Variants in TUSC3 observed in about 807,000 individuals in gnomAD.
TUSC3 encodes the protein tumor suppressor candidate 3.
Under a neutral mutation model 44.8 loss-of-function variants are expected in TUSC3, and 45 were observed. The observed-to-expected ratio is 1.00, with a 90% CI of 0.79 to 1.29. The LOEUF is 1.29. Ranked by LOEUF, TUSC3 falls within the 50% of genes most tolerant of loss-of-function variation. TUSC3 has a pLI of 0.00. For synonymous variants in TUSC3, 212 were observed against 152.9 expected, an observed-to-expected ratio of 1.39 and a Z score of -2.85; for missense variants, 519 against 437.9, an observed-to-expected ratio of 1.19 and a Z score of -1.65.
chr8:15,574,928 T>C (rs1352567004), intron 1 of TUSC3, among the ~76,000 whole-genome samples: 1 of 152,144 alleles, frequency 6.6e-6, no homozygotes, highest in African/African-American at 2.4e-5. Flanking sequence ...TGAAACTAAC[T>C]ATTCTAGTGT....
chr8:15,832,869 A>G, the TUSC3 span, among the ~76,000 whole-genome samples: 21 of 152,278 alleles, frequency 1.4e-4, no homozygotes, highest in South Asian at 4.1e-3. Context: ...TATTAGATAG[A>G]TCATCAAACC....
At chr8:15,640,494 C>G (rs1806315539) in intron 2 of TUSC3, among the ~76,000 whole-genome samples, 1 of 152,198 alleles carries the variant, frequency 6.6e-6, no homozygotes, top group Non-Finnish European at 1.5e-5. Flanking sequence ...TTTAATAATT[C>G]TGAAATGTTT....
At chr8:15,740,634 T>A (rs1205244787) in intron 7 of TUSC3, among the ~76,000 whole-genome samples, 1 of 152,156 alleles carries the variant, frequency 6.6e-6, no homozygotes. Flanking sequence ...TCCTTATCAG[T>A]TTGATAAAAT....
At chr8:15,669,096 C>T (rs1333190083) in intron 5 of TUSC3, among the ~76,000 whole-genome samples, 1 of 151,720 alleles carries the variant, frequency 6.6e-6, no homozygotes, top group African/African-American at 2.4e-5. Flanking sequence ...GGGCCATATC[C>T]AGCCATGGCT....
intron 1 of TUSC3, among the ~76,000 whole-genome samples, chr8:15,611,289 C>T (rs1211981326): frequency 3.3e-5 from 5 of 152,068 alleles, no homozygotes; most frequent in Non-Finnish European, 2.9e-5. Flanking sequence ...CAGGTTGAAA[C>T]GATTCTCCTG....
the TUSC3 span, among the ~76,000 whole-genome samples, chr8:15,847,058 T>G: frequency 1.3e-5 from 2 of 152,078 alleles, no homozygotes; most frequent in Admixed American, 1.3e-4. Flanking sequence ...CAGCACAGAA[T>G]AGGGCCATGA....
intron 1 of TUSC3, among the ~76,000 whole-genome samples, chr8:15,452,612 A>G (rs186523748): frequency 5.3e-5 from 8 of 152,230 alleles, no homozygotes; most frequent in East Asian, 1.9e-4. Context: ...GCTATAAGGC[A>G]GACTTACGTC....
intron 1 of TUSC3, among the ~76,000 whole-genome samples, chr8:15,605,617 A>T (rs1320715948): frequency 6.6e-6 from 1 of 152,092 alleles, no homozygotes; most frequent in South Asian, 2.1e-4. Flanking sequence ...ACCAAAAAAA[A>T]TGGAGAAAAA....
the TUSC3 span, among the ~76,000 whole-genome samples, chr8:15,819,879 C>G: frequency 6.6e-6 from 1 of 152,168 alleles, no homozygotes; most frequent in Non-Finnish European, 1.5e-5. Context: ...CCCTTCTTGT[C>G]CTATTGTTTT....
chr8:15,718,042 G>A (rs1052473842), intron 6 of TUSC3, among the ~76,000 whole-genome samples: 2 of 151,992 alleles, frequency 1.3e-5, no homozygotes, highest in African/African-American at 4.8e-5. Context: ...ACTAGATATT[G>A]ATTGATTGAT....
chr8:15,496,440 C>T (rs1405498626), intron 2 of TUSC3, among the ~76,000 whole-genome samples: 1 of 152,166 alleles, frequency 6.6e-6, no homozygotes, highest in East Asian at 1.9e-4. Context: ...TCAAATTAGT[C>T]ATTTTCACTT....
the TUSC3 span, among the ~76,000 whole-genome samples, chr8:15,777,035 T>C: frequency 6.6e-6 from 1 of 152,178 alleles, no homozygotes; most frequent in South Asian, 2.1e-4. Context: ...CCAAAAAATG[T>C]ATTTTACATG....
chr8:15,833,932 G>C, the TUSC3 span, among the ~76,000 whole-genome samples: 1 of 151,900 alleles, frequency 6.6e-6, no homozygotes. Context: ...TTACTGATCA[G>C]TTCATTTTTT....
intron 1 of TUSC3, among the ~76,000 whole-genome samples, chr8:15,446,691 C>T (rs146434967): frequency 0.072 from 9,036 of 125,218 alleles, 382 homozygotes; most frequent in Middle Eastern, 0.16. Context: ...AGTCCAGCCT[C>T]GGCTCGGCAT....
intron 2 of TUSC3, among the ~76,000 whole-genome samples, chr8:15,524,197 G>T (rs6981095): frequency 0.33 from 49,556 of 151,776 alleles, 8,876 homozygotes; most frequent in African/African-American, 0.48. Flanking sequence ...ATATTTTGTT[G>T]TGAATTCTTA....
chr8:15,713,747 C>G lies in TUSC3; in HGVS notation c.799-16919C>G, dbSNP rs544672915. Among the ~76,000 whole-genome samples, 31 of 152,084 alleles carry G rather than the reference C, an allele frequency of 2.0e-4. 1 individual carries two copies. The South Asian group carries it at 5.6e-3, about 28-fold the overall frequency. The stretch of plus-strand genomic sequence containing the variant: ...CCAATTATATTGGATTAGGGCCCAT[C>G]CTAGTGACCTCATTTAATGACCTCT... On this transcript the variant is annotated intron_variant, in intron 6 of 10. Transcript: ENST00000503731.
At chr8:15,703,125 A>G (rs369750948) in intron 6 of TUSC3, among the ~76,000 whole-genome samples, 2 of 152,128 alleles carry the variant, frequency 1.3e-5, no homozygotes, top group Admixed American at 6.6e-5. Context: ...ATCTCATTTT[A>G]GTTGCATAGC....
At chr8:15,599,450 T>C (rs1455149808) in intron 1 of TUSC3, among the ~76,000 whole-genome samples, 2 of 151,814 alleles carry the variant, frequency 1.3e-5, no homozygotes, top group African/African-American at 4.8e-5. Context: ...TAATGAAGTC[T>C]AGCTTATTAT....
At chr8:15,518,033 C>A (rs1302959717) in intron 2 of TUSC3, among the ~76,000 whole-genome samples, 1 of 151,842 alleles carries the variant, frequency 6.6e-6, no homozygotes, top group African/African-American at 2.4e-5. Flanking sequence ...TCCTCCTTAC[C>A]CCTTTTGCCA....
Sources: gnomAD v4.1 joint callset for allele counts (sites outside exome capture counted in the v4.1 genomes callset) on GRCh38, gnomAD v4.1.1 for gene constraint, MANE v1.5 for transcripts, NCBI Gene and HGNC (gene_info 2026-07-23, HGNC 2026-07-21) for gene names.